Variants in PPM1G observed in about 807,000 individuals in gnomAD.
PPM1G encodes protein phosphatase 1G.
In PPM1G, 12 loss-of-function variants were observed where a neutral mutation model predicts 59.4. That is an observed-to-expected ratio of 0.20 (90% CI 0.13 to 0.33). The LOEUF (loss-of-function observed/expected upper bound fraction) is 0.33. Ranked by LOEUF, PPM1G falls within the 10% of genes least tolerant of loss-of-function variation. The pLI is 1.00. For missense variants in PPM1G, 392 were observed against 681.3 expected (o/e 0.58, Z 4.73); for synonymous variants, 245 against 251.9 (o/e 0.97, Z 0.26).
intron 1 of PPM1G, among the ~76,000 whole-genome samples, chr2:27,395,846 A>G (rs1684039342): frequency 6.6e-6 from 1 of 151,964 alleles, no homozygotes; most frequent in Non-Finnish European, 1.5e-5. Flanking sequence ...GTCTCAAAAA[A>G]AAAAAAAAAG....
chr2:27,386,080 C>T, intron 3 of PPM1G, 114 bp downstream of exon 3: 2 of 1,257,718 alleles, frequency 1.6e-6, no homozygotes, highest in Non-Finnish European at 2.3e-6. Context: ...CAGAATTCTT[C>T]AAGAGTAAAT....
rs766604066 is a variant in PPM1G at position 27,383,412 on chromosome 2, G to A, written c.1155C>T (p.Thr385=). The A allele has an allele frequency of 6.2e-6, 10 of 1,614,140 alleles. No homozygotes were observed. Among genetic ancestry groups the A allele is most frequent in the Admixed American group, 5.0e-5 (3 of 60,006 alleles). Residue 385 remains threonine (T), a synonymous_variant, in exon 7 of 10, where the codon ACC becomes ACT. Coordinates refer to ENST00000344034, the MANE Select transcript of PPM1G (RefSeq NM_177983.3). The surrounding 1 kb of genome is among the most constrained non-coding windows in gnomAD (Gnocchi z 5.0). ...ARIKNAGGKV[T]MDGRVNGGLN... ...GGCCCCCGTTGACTCGCCCATCCATGGTGACCTTGCCACCAGCATTCTTGA... is the reference window on the plus strand; with the variant it reads ...GGCCCCCGTTGACTCGCCCATCCATAGTGACCTTGCCACCAGCATTCTTGA...
chr2:27,403,560 C>T (rs971361702), intron 1 of PPM1G, among the ~76,000 whole-genome samples: 6 of 152,014 alleles, frequency 3.9e-5, no homozygotes, highest in Non-Finnish European at 8.8e-5. Flanking sequence ...GCAAATAATG[C>T]GTTTTTATAA....
In PPM1G at chr2:27,382,239, G is replaced by A. The variant is rs1683650961; in HGVS notation, c.1332-11C>T. ...CTGCTCATCACATTCCTGGGGTCAA[G>A]AACAACAGTCAGAATCTTCCAGTCT... On this transcript the variant is annotated splice_polypyrimidine_tract_variant and intron_variant, in intron 8 of 9. Transcript: ENST00000344034. The surrounding 1 kb of genome is among the most constrained non-coding windows in gnomAD (Gnocchi z 4.2). 2 of 1,612,330 alleles carry A rather than the reference G, an allele frequency of 1.2e-6. No individual in the cohort carries two copies. Among genetic ancestry groups the A allele is most frequent in the Admixed American group, 1.7e-5 (1 of 60,008 alleles).
Position 27,384,059 on chromosome 2 carries a change from C to G in PPM1G, c.859G>C (p.Glu287Gln). 6.2e-7 allele frequency: 1 copy of G among 1,613,654 alleles called. No individual in the cohort carries two copies. The highest frequency in any genetic ancestry group is 1.3e-5 in the African/African-American group (1 of 75,036). Residue 287 changes from glutamate (E) to glutamine (Q), a missense_variant, in exon 6 of 10, where the codon GAG becomes CAG. Physicochemically the swap from Glu to Gln is conservative, Grantham distance 29. This residue lies in a region of PPM1G where 188 missense variants were observed against 248.8 expected (regional missense o/e 0.76). Coordinates refer to ENST00000344034, the MANE Select transcript of PPM1G (RefSeq NM_177983.3). This position sits in a 1 kb window ranked among gnomAD's most constrained non-coding sequence, Gnocchi z 4.8. ...CSEEEDGYSS[E>Q]EAENEEDEDD... ...TCATCTTCCTCATTCTCTGCCTCCT[C>G]ACTGCTGTAGCCATCCTCTTCCTCG...
Position 27,381,310 on chromosome 2 carries a change from A to ATT in PPM1G, c.*288_*289insAA. 2.0e-6 allele frequency: 1 copy of ATT among 490,968 alleles called. No homozygotes were observed. The highest frequency in any genetic ancestry group is 3.3e-5 in the Admixed American group (1 of 29,876). 30.4% of individuals were successfully genotyped at this position (490,968 alleles called of 1,614,324 possible). ...CCAATAAAAAAGAATGTCCTTAAAT[A>ATT]AAGTTCACAGAGTAAAAACCAGAAC... is the stretch of plus-strand genomic sequence containing the variant. On this transcript the variant is annotated 3_prime_UTR_variant, in exon 10 of 10. Transcript: ENST00000344034.
intron 1 of PPM1G, among the ~76,000 whole-genome samples, chr2:27,389,007 A>G (rs1683834570): frequency 6.6e-6 from 1 of 151,860 alleles, no homozygotes; most frequent in African/African-American, 2.4e-5. Flanking sequence ...TGTACAATAA[A>G]CCACATTGTT....
chr2:27,386,892 A>T (rs969012474), intron 2 of PPM1G, 197 bp downstream of exon 2: 1 of 463,090 alleles, frequency 2.2e-6, no homozygotes, highest in Non-Finnish European at 3.9e-6. Flanking sequence ...GGATTAAAAC[A>T]AGTCCTGGTG....
At chr2:27,396,263 C>T (rs555282588) in intron 1 of PPM1G, among the ~76,000 whole-genome samples, 236 of 152,222 alleles carry the variant, frequency 1.6e-3, no homozygotes, top group African/African-American at 5.4e-3. Context: ...CAGAGCAGGA[C>T]TCCGTCTCAA....
intron 1 of PPM1G, among the ~76,000 whole-genome samples, chr2:27,397,012 T>C (rs1265264871): frequency 2.6e-5 from 4 of 151,936 alleles, no homozygotes; most frequent in Admixed American, 6.6e-5. Flanking sequence ...TGAGATTACA[T>C]GCATGCACCA....
rs968597116 is a variant in PPM1G at position 27,386,172 on chromosome 2, T to C, written c.276+22A>G. 3.8e-6 allele frequency: 6 copies of C among 1,589,332 alleles called. No homozygotes were observed. The African/African-American group carries it at 4.0e-5, about 11-fold the overall frequency. ...GGGAAAAGCCTACACAAGTGAGGAA[T>C]GGGCGGTGTAAGCAGACAGACCTTC... On this transcript the variant is annotated intron_variant, in intron 3 of 9. Coordinates refer to ENST00000344034, the MANE Select transcript of PPM1G (RefSeq NM_177983.3).
At position 27,384,999 on chromosome 2, in the gene PPM1G, C is replaced by T. The variant is rs750957890; in HGVS notation, c.499G>A (p.Gly167Ser). 1.9e-6 allele frequency: 3 copies of T among 1,614,136 alleles called. No individual in the cohort carries two copies. The highest frequency in any genetic ancestry group is 3.3e-5 in the Admixed American group (2 of 60,018). Residue 167 changes from glycine to serine, a missense_variant, in exon 5 of 10, where the codon GGC (glycine) becomes AGC (serine). Gly to Ser is a moderately conservative substitution (Grantham distance 56). Transcript: ENST00000344034. The surrounding 1 kb of genome is among the most constrained non-coding windows in gnomAD (Gnocchi z 4.8). Reference sequence around the variant, plus strand: ...CCTCCAGATTTGCTGTGGGGAGGGCCCTTGTGACAGTTCTGCCCGTAGCGT... The same window carrying T: ...CCTCCAGATTTGCTGTGGGGAGGGCTCTTGTGACAGTTCTGCCCGTAGCGT... The part of the protein sequence containing the change: ...LTRYGQNCHK[G>S]PPHSKSGGGT...
chr2:27,387,196 C>T (rs1683784879), intron 1 of PPM1G, 38 bp from the exon 2 acceptor site: 5 of 1,542,400 alleles, frequency 3.2e-6, no homozygotes, highest in South Asian at 1.1e-5. Context: ...GTCTCAAGGT[C>T]GAAGAATATT....
At chr2:27,409,101 A>G (rs1478757614) in intron 1 of PPM1G, among the ~76,000 whole-genome samples, 2 of 152,132 alleles carry the variant, frequency 1.3e-5, no homozygotes, top group African/African-American at 4.8e-5. Flanking sequence ...CCTCGCCGCC[A>G]CTGGCCACCG....
intron 1 of PPM1G, among the ~76,000 whole-genome samples, chr2:27,405,577 A>C (rs1234694163): frequency 2.0e-5 from 3 of 150,094 alleles, no homozygotes; most frequent in African/African-American, 7.4e-5. Context: ...TTGTATTTTC[A>C]GTAGAGACGG....
chr2:27,383,889 A>C lies in PPM1G; in HGVS notation c.966+63T>G. 1 of 1,545,192 alleles carries C rather than the reference A, an allele frequency of 6.5e-7. No individual in the cohort carries two copies. Among genetic ancestry groups the C allele is most frequent in the Non-Finnish European group, 8.7e-7 (1 of 1,143,266 alleles). ...GGGGGATCCCCTGTCTCAAAATCAAAATTAGGGGATTCACACCTGCCTTGT... is the reference window on the plus strand; with the variant it reads ...GGGGGATCCCCTGTCTCAAAATCAACATTAGGGGATTCACACCTGCCTTGT... On this transcript the variant is annotated intron_variant, in intron 6 of 9. Coordinates refer to ENST00000344034, the MANE Select transcript of PPM1G (RefSeq NM_177983.3). This position sits in a 1 kb window ranked among gnomAD's most constrained non-coding sequence, Gnocchi z 5.0.
intron 1 of PPM1G, chr2:27,393,480 G>A (rs1683969681): frequency 1.3e-6 from 1 of 751,482 alleles, no homozygotes; most frequent in East Asian, 2.7e-5. Context: ...ACGGAGGGCT[G>A]GCTATGGGCG....
intron 1 of PPM1G, among the ~76,000 whole-genome samples, chr2:27,396,524 A>C (rs564771488): frequency 6.6e-6 from 1 of 151,674 alleles, no homozygotes; most frequent in East Asian, 2.0e-4. Context: ...ACATTAAAAA[A>C]ATTTTTAAGG....
chr2:27,402,198 C>T (rs757711060), intron 1 of PPM1G, among the ~76,000 whole-genome samples: 1 of 152,162 alleles, frequency 6.6e-6, no homozygotes, highest in Non-Finnish European at 1.5e-5. Flanking sequence ...ACACTGAAAT[C>T]ATACTCTGTC....
Sources: allele counts gnomAD v4.1 joint callset (sites outside exome capture counted in the v4.1 genomes callset), GRCh38; gene constraint gnomAD v4.1.1; regional missense constraint gnomAD v4.1.1; non-coding constraint Gnocchi (gnomAD v3.1); transcripts MANE v1.5; gene names NCBI Gene and HGNC (gene_info 2026-07-23, HGNC 2026-07-21).